Variants in ZBTB7C observed in about 807,000 individuals in gnomAD.
The protein encoded by ZBTB7C is zinc finger and BTB domain-containing protein 7C.
In ZBTB7C, 8 loss-of-function variants were observed where a neutral mutation model predicts 25.7. The ratio of observed to expected loss-of-function variants is 0.31; its 90% CI spans 0.18 to 0.56. The LOEUF (loss-of-function observed/expected upper bound fraction) is 0.56, where lower values mean the gene tolerates loss of function less well. ZBTB7C is among the 20% of genes least tolerant of loss of function. The probability of loss-of-function intolerance (pLI) is 0.91; values close to 1 mark genes in which losing one functional copy is unlikely to be tolerated. For synonymous variants in ZBTB7C, 394 were observed against 369.0 expected (o/e 1.07, Z -0.78); for missense variants, 824 against 855.2 (o/e 0.96, Z 0.46).
intron 1 of ZBTB7C, among the ~76,000 whole-genome samples, chr18:48,397,537 C>T (rs1412999405): frequency 1.3e-5 from 2 of 152,150 alleles, no homozygotes; most frequent in Non-Finnish European, 2.9e-5. Flanking sequence ...ATCATCTGCT[C>T]ATTTGGAATA....
chr18:48,369,484 C>T lies in ZBTB7C; in HGVS notation c.-303-31086G>A, dbSNP rs1258002066. Among the ~76,000 whole-genome samples, 4 of 152,076 alleles carry T rather than the reference C, an allele frequency of 2.6e-5. No homozygotes were observed. In the East Asian group the frequency reaches 7.7e-4, roughly 29 times the overall value. ...TGATCTAAAGATACCAATTTAAAAA[C>T]ATGACTCTGTCTACAAAAAATTCAC... On this transcript the variant is annotated intron_variant, in intron 1 of 4. Coordinates refer to ENST00000590800, the MANE Select transcript of ZBTB7C (RefSeq NM_001318841.2).
At chr18:48,294,553 A>G (rs1449092351) in intron 2 of ZBTB7C, among the ~76,000 whole-genome samples, 1 of 152,052 alleles carries the variant, frequency 6.6e-6, no homozygotes, top group African/African-American at 2.4e-5. Context: ...GAGCGAGGCC[A>G]TTTGTGAGGA....
At position 48,108,919 on chromosome 18, in the gene ZBTB7C, G is replaced by A. The variant is rs113544401; in HGVS notation, c.-16-67796C>T. On this transcript the variant is annotated intron_variant, in intron 3 of 4. Coordinates refer to ENST00000590800, the MANE Select transcript of ZBTB7C (RefSeq NM_001318841.2). Reference sequence around the variant, plus strand: ...CTGTGCATTAGTAAAGTTGTTAAATGTCCTTGAAACTGTATGAAAAAGTGG... The same window carrying A: ...CTGTGCATTAGTAAAGTTGTTAAATATCCTTGAAACTGTATGAAAAAGTGG... 3.0e-3 allele frequency among the ~76,000 whole-genome samples: 458 copies of A among 152,202 alleles called. 1 individual carries two copies. The highest frequency in any genetic ancestry group is 0.01 in the African/African-American group (431 of 41,510).
upstream of ZBTB7C, among the ~76,000 whole-genome samples, chr18:48,409,859 G>C (rs1230894393): frequency 6.6e-6 from 1 of 152,058 alleles, no homozygotes; most frequent in East Asian, 1.9e-4. Flanking sequence ...AGGCGAGGGG[G>C]CCAGGCGGCC....
intron 3 of ZBTB7C, among the ~76,000 whole-genome samples, chr18:48,099,692 A>G (rs898862642): frequency 1.3e-5 from 2 of 152,200 alleles, no homozygotes; most frequent in African/African-American, 2.4e-5. Flanking sequence ...GAGGTGGGCA[A>G]TGGGGGTCAG....
chr18:48,071,801 T>C (rs2037553066), intron 3 of ZBTB7C, among the ~76,000 whole-genome samples: 1 of 152,232 alleles, frequency 6.6e-6, no homozygotes, highest in South Asian at 2.1e-4. Context: ...AAAACATTAT[T>C]CAGCCTTAAA....
intron 3 of ZBTB7C, among the ~76,000 whole-genome samples, chr18:48,061,143 A>G (rs565172165): frequency 6.6e-6 from 1 of 152,348 alleles, no homozygotes; most frequent in South Asian, 2.1e-4. Flanking sequence ...ATAGAGCTTT[A>G]GACGAATGGA....
At chr18:48,287,178 ACAC>A (rs34173292) in intron 2 of ZBTB7C, among the ~76,000 whole-genome samples, 92,117 of 151,772 alleles carry the variant, frequency 0.61, 29,013 homozygotes, top group East Asian at 0.73. Flanking sequence ...AAAATTAAAA[ACAC>A]CAATCAGAGA....
At chr18:48,159,449 G>A (rs967418561) in intron 3 of ZBTB7C, among the ~76,000 whole-genome samples, 2 of 152,130 alleles carry the variant, frequency 1.3e-5, no homozygotes, top group Non-Finnish European at 2.9e-5. Flanking sequence ...AAGATGAATG[G>A]AGCTGAATTG....
At chr18:48,182,982 T>A (rs1346736392) in intron 3 of ZBTB7C, among the ~76,000 whole-genome samples, 1 of 152,092 alleles carries the variant, frequency 6.6e-6, no homozygotes, top group Admixed American at 6.5e-5. Flanking sequence ...AAATAATAAT[T>A]ATTATTTGCA....
intron 3 of ZBTB7C, among the ~76,000 whole-genome samples, chr18:48,172,363 G>C (rs1350270924): frequency 6.6e-6 from 1 of 152,206 alleles, no homozygotes; most frequent in African/African-American, 2.4e-5. Context: ...GGGGGGCACG[G>C]AGGGCTGGCG....
At chr18:48,166,982 G>A (rs1198815112) in intron 3 of ZBTB7C, among the ~76,000 whole-genome samples, 2 of 152,120 alleles carry the variant, frequency 1.3e-5, no homozygotes, top group Non-Finnish European at 2.9e-5. Flanking sequence ...AACCTCAGCT[G>A]GAAGCACAAA....
At chr18:48,098,578 G>A (rs2038720577) in intron 3 of ZBTB7C, among the ~76,000 whole-genome samples, 1 of 152,106 alleles carries the variant, frequency 6.6e-6, no homozygotes. Context: ...TGGCTTCCTC[G>A]AATCCATTCT....
intron 2 of ZBTB7C, among the ~76,000 whole-genome samples, chr18:48,198,456 G>A (rs2042365446): frequency 6.6e-6 from 1 of 152,190 alleles, no homozygotes; most frequent in Admixed American, 6.5e-5. Context: ...ATGGGTCTCA[G>A]CGTGCTAAAA....
chr18:48,302,701 T>C (rs1267696825), intron 2 of ZBTB7C, among the ~76,000 whole-genome samples: 1 of 152,144 alleles, frequency 6.6e-6, no homozygotes, highest in Non-Finnish European at 1.5e-5. Flanking sequence ...CATGTGGTTC[T>C]CACAACATCC....
intron 3 of ZBTB7C, among the ~76,000 whole-genome samples, chr18:48,118,567 T>A (rs2039524111): frequency 6.6e-6 from 1 of 152,248 alleles, no homozygotes; most frequent in African/African-American, 2.4e-5. Context: ...TTCCTCTTTC[T>A]TATCCTAAGA....
intron 1 of ZBTB7C, among the ~76,000 whole-genome samples, chr18:48,404,820 T>C (rs1317266857): frequency 6.6e-6 from 1 of 152,158 alleles, no homozygotes; most frequent in East Asian, 1.9e-4. Context: ...ATTCAGCAAA[T>C]GTTTTTCATG....
intron 2 of ZBTB7C, among the ~76,000 whole-genome samples, chr18:48,303,807 C>T (rs76818577): frequency 0.023 from 3,569 of 152,308 alleles, 69 homozygotes; most frequent in South Asian, 0.076. Flanking sequence ...GTCTCCATAT[C>T]CCTTTTTCAA....
chr18:48,254,685 C>A (rs781692534), intron 2 of ZBTB7C, among the ~76,000 whole-genome samples: 2 of 152,200 alleles, frequency 1.3e-5, no homozygotes, highest in Non-Finnish European at 2.9e-5. Context: ...CTTTACCCTG[C>A]ATTCTTTGAC....
Sources: allele counts gnomAD v4.1 joint callset (sites outside exome capture counted in the v4.1 genomes callset), GRCh38; gene constraint gnomAD v4.1.1; transcripts MANE v1.5; gene names NCBI Gene and HGNC (gene_info 2026-07-23, HGNC 2026-07-21).